The following TAB1 variants were observed in gnomAD, a reference collection of about 807,000 sequenced individuals.
TAB1 encodes TGF-beta activated kinase 1 (MAP3K7) binding protein 1, also known as TGF-beta-activated kinase 1 and MAP3K7-binding protein 1.
In TAB1, 30 loss-of-function variants were observed where a neutral mutation model predicts 54.5. That is an observed-to-expected ratio of 0.55 (90% confidence interval 0.41 to 0.75). TAB1 has a LOEUF of 0.75. Among genes scored for constraint, TAB1 ranks in the 30% least tolerant of loss-of-function variants. The pLI is 0.00. For synonymous variants in TAB1, 289 were observed against 286.9 expected, an observed-to-expected ratio of 1.01 and a Z score of -0.07; for missense variants, 609 against 683.2, an observed-to-expected ratio of 0.89 and a Z score of 1.21.
intron 7 of TAB1, among the ~76,000 whole-genome samples, chr22:39,420,880 CTCTGTGTGTGTGTGTGTG>C (rs1368607549): frequency 3.2e-5 from 3 of 93,024 alleles, no homozygotes; most frequent in African/African-American, 1.8e-4. Flanking sequence ...GGGTGTCTCT[CTCTGTGTGTGTGTGTGTG>C]TGTGTGTGTG....
chr22:39,401,242 C>A (rs1026899517), intron 1 of TAB1, among the ~76,000 whole-genome samples: 7 of 152,206 alleles, frequency 4.6e-5, no homozygotes, highest in African/African-American at 1.7e-4. Context: ...CAGGGATAAC[C>A]TGGAACCAGA....
intron 5 of TAB1, among the ~76,000 whole-genome samples, chr22:39,418,442 A>G (rs1926932090): frequency 6.6e-6 from 1 of 152,168 alleles, no homozygotes; most frequent in South Asian, 2.1e-4. Context: ...TTTGAAGCAA[A>G]TGCCAGACAC....
downstream of TAB1, chr22:39,432,683 AC>A: frequency 1.1e-6 from 1 of 911,780 alleles, no homozygotes; most frequent in Non-Finnish European, 1.3e-6. Flanking sequence ...TGAGGCACAG[AC>A]AGGTTCAGGC....
chr22:39,403,787 C>A (rs1172848902), intron 1 of TAB1, among the ~76,000 whole-genome samples: 3 of 152,058 alleles, frequency 2.0e-5, no homozygotes, highest in South Asian at 4.2e-4. Flanking sequence ...TACAGGCACC[C>A]ACCACCACAC....
Position 39,415,795 on chromosome 22 carries a change from C to T in TAB1, c.324+142C>T, listed in dbSNP as rs1601690501. Reference sequence around the variant, plus strand: ...ACCCCAGTAGAGGAGCAGCTCCCAGCGTAGGCCCCCCCACCCAACAGGAGT... The same window carrying T: ...ACCCCAGTAGAGGAGCAGCTCCCAGTGTAGGCCCCCCCACCCAACAGGAGT... On this transcript the variant is annotated intron_variant, in intron 3 of 10. Transcript: ENST00000216160. This position sits in a 1 kb window ranked among gnomAD's most constrained non-coding sequence, Gnocchi z 4.9. The T allele has an allele frequency of 3.6e-6, 4 of 1,103,168 alleles. No individual in the cohort carries two copies. Among genetic ancestry groups the T allele is most frequent in the East Asian group, 2.6e-5 (1 of 38,204 alleles). 68.3% of individuals were successfully genotyped at this position (1,103,168 alleles called of 1,614,324 possible).
intron 8 of TAB1, among the ~76,000 whole-genome samples, chr22:39,423,004 G>A (rs1202542661): frequency 7.1e-6 from 1 of 139,922 alleles, no homozygotes; most frequent in Non-Finnish European, 1.5e-5. Flanking sequence ...TTTAAGACTT[G>A]CTGTGTCACC....
At chr22:39,405,614 A>G (rs1569192731) in intron 1 of TAB1, among the ~76,000 whole-genome samples, 2 of 149,966 alleles carry the variant, frequency 1.3e-5, no homozygotes, top group Non-Finnish European at 3.0e-5. Context: ...CAGTGTGTGC[A>G]GGGGTGGAGG....
chr22:39,431,101 A>C lies in TAB1; in HGVS notation c.*879A>C, dbSNP rs1047473739. 1 of 985,562 alleles carries C rather than the reference A, an allele frequency of 1.0e-6. No homozygotes were observed. The highest frequency in any genetic ancestry group is 6.1e-5 in the Admixed American group (1 of 16,272). The allele number at this position is 985,562 out of a possible 1,614,324, so 61.1% of individuals were successfully genotyped here. On this transcript the variant is annotated 3_prime_UTR_variant, in exon 11 of 11. Coordinates refer to ENST00000216160, the MANE Select transcript of TAB1 (RefSeq NM_006116.3). ...ACTGATGAGGGGCCTCTGCCGGCTGAGGGTAGCAAGCAGGGGTTGTGAGTC... is the reference window on the plus strand; with the variant it reads ...ACTGATGAGGGGCCTCTGCCGGCTGCGGGTAGCAAGCAGGGGTTGTGAGTC...
At chr22:39,434,587 C>A (rs1195022999), downstream of TAB1, among the ~76,000 whole-genome samples, 1 of 152,248 alleles carries the variant, frequency 6.6e-6, no homozygotes, top group Non-Finnish European at 1.5e-5. Context: ...CAGAGACAGG[C>A]GCTTGGCATT....
rs200488916 is a variant in TAB1, at chr22:39,415,076, G to T, written c.104G>T (p.Arg35Leu). ...HLSGVGSASN[R>L]SYSADGKGTE... ...TCTGGGGTTGGCTCAGCCTCCAACC[G>T]CAGCTACTCTGCTGATGGCAAGGGC... The change falls in exon 2 of 11, where the codon CGC (arginine) becomes CTC (leucine). Residue 35 changes from arginine to leucine, a missense_variant. Arg to Leu is a moderately radical substitution (Grantham distance 102). Transcript: ENST00000216160. This position sits in a 1 kb window ranked among gnomAD's most constrained non-coding sequence, Gnocchi z 4.9. 6.2e-7 allele frequency: 1 copy of T among 1,613,648 alleles called. No individual in the cohort carries two copies. The highest frequency in any genetic ancestry group is 8.5e-7 in the Non-Finnish European group (1 of 1,179,702).
At chr22:39,420,162 T>C (rs945663707) in intron 7 of TAB1, among the ~76,000 whole-genome samples, 2 of 152,176 alleles carry the variant, frequency 1.3e-5, no homozygotes, top group Non-Finnish European at 2.9e-5. Flanking sequence ...GGCAGCAGAA[T>C]GGGCAGTCAT....
intron 8 of TAB1, among the ~76,000 whole-genome samples, chr22:39,424,735 A>G (rs926254221): frequency 2.0e-5 from 3 of 152,174 alleles, no homozygotes; most frequent in Non-Finnish European, 4.4e-5. Context: ...GACATGAGCC[A>G]CTGCGCCCAG....
At chr22:39,436,228 G>A (rs1354120752), downstream of TAB1, among the ~76,000 whole-genome samples, 2 of 152,164 alleles carry the variant, frequency 1.3e-5, no homozygotes, top group African/African-American at 4.8e-5. Context: ...TGGAGGCGGA[G>A]GTTGCAGTGA....
At chr22:39,413,386 G>C (rs763266908) in intron 1 of TAB1, among the ~76,000 whole-genome samples, 2 of 150,838 alleles carry the variant, frequency 1.3e-5, no homozygotes, top group Non-Finnish European at 3.0e-5. Flanking sequence ...TCTAGCTTGT[G>C]TTTGTTTAAT....
At chr22:39,425,589 C>A (rs888159976) in intron 8 of TAB1, among the ~76,000 whole-genome samples, 1 of 150,992 alleles carries the variant, frequency 6.6e-6, no homozygotes, top group Admixed American at 6.6e-5. Context: ...GAGTCTCGCT[C>A]TGTCACCCAG....
chr22:39,417,386 C>T (rs1293463455), intron 4 of TAB1, among the ~76,000 whole-genome samples: 3 of 152,080 alleles, frequency 2.0e-5, no homozygotes, highest in South Asian at 2.1e-4. Flanking sequence ...CTTGGGAGGC[C>T]GAGGCGGGCG....
chr22:39,418,032 C>G (rs550286572), intron 5 of TAB1, among the ~76,000 whole-genome samples, 183 bp downstream of exon 5: 1 of 152,228 alleles, frequency 6.6e-6, no homozygotes, highest in Non-Finnish European at 1.5e-5. Context: ...GGAGAAAGGA[C>G]GGGATGGGAG....
chr22:39,433,688 C>T (rs1927673542), downstream of TAB1: 1 of 985,316 alleles, frequency 1.0e-6, no homozygotes. Context: ...GAGCAGGCTC[C>T]CCACGATGCC....
At position 39,415,686 on chromosome 22, in the gene TAB1, A is replaced by G; in HGVS notation, c.324+33A>G. On this transcript the variant is annotated intron_variant, in intron 3 of 10. Coordinates refer to ENST00000216160, the MANE Select transcript of TAB1 (RefSeq NM_006116.3). The surrounding 1 kb of genome is among the most constrained non-coding windows in gnomAD (Gnocchi z 4.9). The stretch of plus-strand genomic sequence containing the variant: ...TGCCGGGGCCAACAGTGACCCAGCC[A>G]CATCATGTCCCCCACCCCAAGGCTT... 1.3e-6 allele frequency: 2 copies of G among 1,593,062 alleles called. No individual in the cohort carries two copies. Among genetic ancestry groups the G allele is most frequent in the Non-Finnish European group, 8.5e-7 (1 of 1,172,678 alleles).
Sources: gnomAD v4.1 joint callset for allele counts (sites outside exome capture counted in the v4.1 genomes callset) on GRCh38, gnomAD v4.1.1 for gene constraint, Gnocchi (gnomAD v3.1) non-coding constraint, MANE v1.5 for transcripts, NCBI Gene and HGNC (gene_info 2026-07-23, HGNC 2026-07-21) for gene names.